The following CNTNAP5 variants were observed in gnomAD, a reference collection of about 807,000 sequenced individuals.
CNTNAP5 encodes the protein contactin associated protein family member 5.
A neutral mutation model predicts 150.2 loss-of-function variants in CNTNAP5; 72 were observed. That is an observed-to-expected ratio of 0.48 (90% CI 0.40 to 0.58). CNTNAP5 has a LOEUF of 0.58. Among genes scored for constraint, CNTNAP5 ranks in the 20% least tolerant of loss-of-function variants. The pLI is 0.00. For synonymous variants in CNTNAP5, 672 were observed against 619.8 expected (o/e 1.08, Z -1.25); for missense variants, 1,636 against 1,626.2 (o/e 1.01, Z -0.10).
At chr2:124,773,064 A>T in intron 17 of CNTNAP5, 47 bp downstream of exon 17, 1 of 1,472,456 alleles carries the variant, frequency 6.8e-7, no homozygotes, top group South Asian at 1.1e-5. Context: ...CTGCAAGATC[A>T]CTGTGTGACC....
chr2:124,679,813 C>A (rs1450016000), intron 13 of CNTNAP5, among the ~76,000 whole-genome samples: 1 of 151,814 alleles, frequency 6.6e-6, no homozygotes, highest in African/African-American at 2.4e-5. Flanking sequence ...GATCTGCCCA[C>A]CTCGGCCTCC....
intron 1 of CNTNAP5, among the ~76,000 whole-genome samples, chr2:124,042,867 C>G (rs1033041010): frequency 6.6e-6 from 1 of 151,762 alleles, no homozygotes; most frequent in Non-Finnish European, 1.5e-5. Flanking sequence ...ACTAAAGGTG[C>G]CGAAGTTGCC....
At chr2:124,458,224 A>G (rs1459253693) in intron 6 of CNTNAP5, among the ~76,000 whole-genome samples, 1 of 141,460 alleles carries the variant, frequency 7.1e-6, no homozygotes, top group African/African-American at 2.6e-5. Flanking sequence ...AATATATATA[A>G]TAAATATATA....
At chr2:124,079,737 G>A (rs1450481959) in intron 1 of CNTNAP5, among the ~76,000 whole-genome samples, 6 of 152,200 alleles carry the variant, frequency 3.9e-5, no homozygotes, top group Non-Finnish European at 7.3e-5. Context: ...ATACGTGTGT[G>A]TGTGCTGAGT....
chr2:124,694,645 T>C (rs186094884), intron 13 of CNTNAP5, among the ~76,000 whole-genome samples: 247 of 152,322 alleles, frequency 1.6e-3, no homozygotes, highest in Middle Eastern at 3.4e-3. Flanking sequence ...TGTGTCTAGA[T>C]ACAAGCTTAT....
chr2:124,475,624 CTT>C (rs1406890415), intron 7 of CNTNAP5, among the ~76,000 whole-genome samples: 2 of 151,980 alleles, frequency 1.3e-5, no homozygotes, highest in East Asian at 3.9e-4. Flanking sequence ...TGGATTCACT[CTT>C]TTATCATTAT....
chr2:124,069,663 A>G (rs1249942361), intron 1 of CNTNAP5, among the ~76,000 whole-genome samples: 2 of 152,180 alleles, frequency 1.3e-5, no homozygotes, highest in Non-Finnish European at 2.9e-5. Context: ...CTATTTGTTT[A>G]GGAGAAAGTA....
chr2:124,256,295 C>T (rs1351299160), intron 3 of CNTNAP5, among the ~76,000 whole-genome samples: 1 of 152,054 alleles, frequency 6.6e-6, no homozygotes, highest in Non-Finnish European at 1.5e-5. Flanking sequence ...AAGGATATGC[C>T]GTACCTTTGA....
chr2:124,651,676 A>G (rs1345588585), intron 13 of CNTNAP5, among the ~76,000 whole-genome samples: 3 of 152,228 alleles, frequency 2.0e-5, no homozygotes, highest in Non-Finnish European at 4.4e-5. Context: ...AAGTAAATGA[A>G]GGAGTCAGAA....
chr2:124,550,971 T>C (rs922710488), intron 10 of CNTNAP5, among the ~76,000 whole-genome samples: 1 of 152,176 alleles, frequency 6.6e-6, no homozygotes, highest in East Asian at 1.9e-4. Context: ...TTCTTGATTC[T>C]GAATGTCCTC....
rs564890767 is a variant in CNTNAP5 at position 124,390,446 on chromosome 2, G to T, written c.382-26997G>T. 2.0e-5 allele frequency among the ~76,000 whole-genome samples: 3 copies of T among 152,244 alleles called. No homozygotes were observed. The South Asian group carries it at 6.2e-4, about 32-fold the overall frequency. On this transcript the variant is annotated intron_variant, in intron 3 of 23. Transcript: ENST00000682447. ...CACCTGTCCCTGCTTCTTTCAGTGG[G>T]ACGTCACTGGCTAGCCCCAATCTGA...
chr2:124,450,802 G>T (rs1483458585), intron 6 of CNTNAP5, among the ~76,000 whole-genome samples: 1 of 151,122 alleles, frequency 6.6e-6, no homozygotes, highest in East Asian at 1.9e-4. Flanking sequence ...CTTATCAAAA[G>T]TGCTCAGTAA....
intron 3 of CNTNAP5, among the ~76,000 whole-genome samples, chr2:124,332,021 A>C (rs1388228009): frequency 6.6e-6 from 1 of 151,898 alleles, no homozygotes; most frequent in Non-Finnish European, 1.5e-5. Flanking sequence ...ATTACACATA[A>C]AATTTTTATG....
intron 17 of CNTNAP5, among the ~76,000 whole-genome samples, chr2:124,776,371 C>T (rs1295155056): frequency 6.6e-6 from 1 of 152,040 alleles, no homozygotes; most frequent in Non-Finnish European, 1.5e-5. Flanking sequence ...GAAAATACTA[C>T]ACTGACTTGA....
chr2:124,670,463 T>C (rs1678798453), intron 13 of CNTNAP5, among the ~76,000 whole-genome samples: 1 of 152,174 alleles, frequency 6.6e-6, no homozygotes, highest in Non-Finnish European at 1.5e-5. Context: ...TTATCTCAGA[T>C]ACTAGACTGT....
intron 12 of CNTNAP5, among the ~76,000 whole-genome samples, chr2:124,637,431 C>T (rs562929864): frequency 2.9e-4 from 44 of 152,282 alleles, no homozygotes; most frequent in Non-Finnish European, 5.0e-4. Flanking sequence ...CAATGCTTGC[C>T]TTTTTAGTGC....
At chr2:124,241,861 T>C (rs1686895721) in intron 2 of CNTNAP5, among the ~76,000 whole-genome samples, 1 of 152,164 alleles carries the variant, frequency 6.6e-6, no homozygotes, top group Non-Finnish European at 1.5e-5. Flanking sequence ...CTAGTTCATA[T>C]ATATCTGCAA....
chr2:124,854,656 G>C (rs1558801274), intron 19 of CNTNAP5, among the ~76,000 whole-genome samples: 1 of 152,188 alleles, frequency 6.6e-6, no homozygotes, highest in Non-Finnish European at 1.5e-5. Context: ...CTCCATAGTG[G>C]CTATTTTATT....
chr2:124,026,914 C>A (rs1680908672), intron 1 of CNTNAP5, among the ~76,000 whole-genome samples: 1 of 152,192 alleles, frequency 6.6e-6, no homozygotes, highest in Non-Finnish European at 1.5e-5. Flanking sequence ...AGTTATGTCT[C>A]AAGGGAAGAC....
Sources: gnomAD v4.1 joint callset for allele counts (sites outside exome capture counted in the v4.1 genomes callset) on GRCh38, gnomAD v4.1.1 for gene constraint, MANE v1.5 for transcripts, NCBI Gene and HGNC (gene_info 2026-07-23, HGNC 2026-07-21) for gene names.